The following NXN variants were observed in gnomAD, a reference collection of about 807,000 sequenced individuals.
The protein encoded by NXN is nucleoredoxin 1.
In NXN, 16 loss-of-function variants were observed where a neutral mutation model predicts 48.6. The observed-to-expected ratio is 0.33, with a 90% confidence interval of 0.22 to 0.50. The LOEUF (loss-of-function observed/expected upper bound fraction) is 0.50, where lower values mean the gene tolerates loss of function less well. Ranked by LOEUF, NXN falls within the 20% of genes least tolerant of loss-of-function variation. The probability of loss-of-function intolerance (pLI) is 0.98; values close to 1 mark genes in which losing one functional copy is unlikely to be tolerated. For synonymous variants in NXN, 281 were observed against 269.6 expected, an observed-to-expected ratio of 1.04 and a Z score of -0.41; for missense variants, 492 against 605.5, an observed-to-expected ratio of 0.81 and a Z score of 1.97.
chr17:841,608 A>ACGGCG lies in NXN; in HGVS notation c.361-15531_361-15530insCGCCG, dbSNP rs1567828072. ...CGCCGGCGAGCAGGTCCCCCCGACC[A>ACGGCG]CAGAGCATCTCACACGGGCAAGCAG... On this transcript the variant is annotated intron_variant, in intron 1 of 7. Coordinates refer to ENST00000336868, the MANE Select transcript of NXN (RefSeq NM_022463.5). Among the ~76,000 whole-genome samples the ACGGCG allele has an allele frequency of 8.3e-4, 98 of 117,828 alleles. 10 individuals are homozygous for ACGGCG. The highest frequency in any genetic ancestry group is 1.3e-3 in the Admixed American group (15 of 11,768). 77.3% of individuals were successfully genotyped at this position (117,828 alleles called of 152,430 possible). A position where few individuals can be genotyped will look rare whatever the true frequency, so the allele number is the denominator to read the frequency against.
intron 1 of NXN, among the ~76,000 whole-genome samples, chr17:854,118 C>T (rs1226616308): frequency 3.3e-5 from 5 of 152,132 alleles, no homozygotes; most frequent in African/African-American, 7.2e-5. Flanking sequence ...GCTCACTCTG[C>T]TTCTGGCATC....
chr17:885,878 C>T lies in NXN; in HGVS notation c.361-59800G>A, dbSNP rs553916500. On this transcript the variant is annotated intron_variant, in intron 1 of 7. Transcript: ENST00000336868. Reference sequence around the variant, plus strand: ...TTTTTTTGTATTTTTTTAGTAGAGACGGGGTTTCACCGTGTCAGCCAGGAT... The same window carrying T: ...TTTTTTTGTATTTTTTTAGTAGAGATGGGGTTTCACCGTGTCAGCCAGGAT... Among the ~76,000 whole-genome samples the T allele has an allele frequency of 6.6e-5, 10 of 151,218 alleles. No homozygotes were observed. In the South Asian group the frequency reaches 8.4e-4, roughly 13 times the overall value.
intron 1 of NXN, among the ~76,000 whole-genome samples, chr17:908,825 T>C (rs191386360): frequency 1.3e-5 from 2 of 151,930 alleles, no homozygotes; most frequent in African/African-American, 2.4e-5. Context: ...CACTCCCGGC[T>C]GGGTGCGGTG....
At chr17:936,423 C>A (rs2068908496) in intron 1 of NXN, among the ~76,000 whole-genome samples, 2 of 152,072 alleles carry the variant, frequency 1.3e-5, no homozygotes, top group South Asian at 4.2e-4. Flanking sequence ...CACAACCCGG[C>A]CAGCATCTGC....
chr17:852,147 C>T (rs1348099734), intron 1 of NXN, among the ~76,000 whole-genome samples: 3 of 152,230 alleles, frequency 2.0e-5, no homozygotes, highest in Admixed American at 6.5e-5. Flanking sequence ...GCCAAGGCCC[C>T]GCAGCCTCTA....
intron 5 of NXN, chr17:819,228 G>C: frequency 1.8e-6 from 1 of 570,642 alleles, no homozygotes; most frequent in Non-Finnish European, 3.2e-6. Flanking sequence ...GTTACAGTGT[G>C]AGCTGCCATG....
At chr17:838,574 A>C (rs959942679) in intron 1 of NXN, among the ~76,000 whole-genome samples, 1 of 152,202 alleles carries the variant, frequency 6.6e-6, no homozygotes, top group African/African-American at 2.4e-5. Flanking sequence ...GGCTTTCAAA[A>C]ACCTTACAGT....
chr17:823,516 A>G, intron 3 of NXN, 116 bp downstream of exon 3: 2 of 1,210,498 alleles, frequency 1.7e-6, no homozygotes, highest in Non-Finnish European at 2.3e-6. Context: ...GGAGAAGGCC[A>G]GAAGGCCGGG....
At chr17:883,917 A>G (rs1351515733) in intron 1 of NXN, among the ~76,000 whole-genome samples, 1 of 152,108 alleles carries the variant, frequency 6.6e-6, no homozygotes, top group Admixed American at 6.6e-5. Context: ...CTACTAAAAG[A>G]TAACAATAAA....
Position 894,562 on chromosome 17 carries a change from C to G in NXN, c.361-68484G>C, listed in dbSNP as rs1279178076. 1.9e-3 allele frequency among the ~76,000 whole-genome samples: 147 copies of G among 78,470 alleles called. 1 individual carries two copies. Among genetic ancestry groups the G allele is most frequent in the Non-Finnish European group, 2.5e-3 (98 of 38,878 alleles). 51.5% of individuals were successfully genotyped at this position (78,470 alleles called of 152,430 possible). A position where few individuals can be genotyped will look rare whatever the true frequency, so the allele number is the denominator to read the frequency against. On this transcript the variant is annotated intron_variant, in intron 1 of 7. Coordinates refer to ENST00000336868, the MANE Select transcript of NXN (RefSeq NM_022463.5). ...AAGCCAGAGGAAGCATCTCAAACGC[C>G]CTGGAAGCCAGAGGAAGCATCTCAA... is the stretch of plus-strand genomic sequence containing the variant.
intron 1 of NXN, among the ~76,000 whole-genome samples, chr17:965,840 G>T (rs545394427): frequency 1.3e-5 from 2 of 151,888 alleles, no homozygotes; most frequent in African/African-American, 4.8e-5. Flanking sequence ...CAACAGACAG[G>T]GCACAGTGAC....
intron 1 of NXN, among the ~76,000 whole-genome samples, chr17:904,483 C>T (rs2068565666): frequency 1.3e-5 from 2 of 152,204 alleles, no homozygotes; most frequent in Non-Finnish European, 2.9e-5. Context: ...TTTTCCCCTC[C>T]ACTTTGACCC....
intron 1 of NXN, among the ~76,000 whole-genome samples, chr17:886,184 G>T (rs1041502669): frequency 6.6e-6 from 1 of 152,042 alleles, no homozygotes; most frequent in Non-Finnish European, 1.5e-5. Context: ...GCAGCTCCCA[G>T]GTCCCCAGTG....
At chr17:977,459 GA>G (rs2150648299) in intron 1 of NXN, among the ~76,000 whole-genome samples, 1 of 152,336 alleles carries the variant, frequency 6.6e-6, no homozygotes, top group African/African-American at 2.4e-5. Context: ...AGGGTATAGA[GA>G]GCCAGCCATG....
chr17:930,507 T>C (rs1440482083), intron 1 of NXN: 6 of 151,912 alleles, frequency 3.9e-5, no homozygotes, highest in Non-Finnish European at 8.8e-5. Flanking sequence ...CCCTATTGAT[T>C]GACTGGCTGA....
chr17:954,268 C>A (rs1037036867), intron 1 of NXN, among the ~76,000 whole-genome samples: 1 of 152,146 alleles, frequency 6.6e-6, no homozygotes, highest in Non-Finnish European at 1.5e-5. Flanking sequence ...GTAGTCCCAG[C>A]TACTCAAGAG....
intron 3 of NXN, among the ~76,000 whole-genome samples, chr17:822,794 C>G (rs1271753393): frequency 6.6e-6 from 1 of 152,140 alleles, no homozygotes; most frequent in Non-Finnish European, 1.5e-5. Flanking sequence ...TGAACTCATC[C>G]ACATGGATTG....
At chr17:810,566 G>C (rs180998184) in intron 5 of NXN, among the ~76,000 whole-genome samples, 1 of 152,126 alleles carries the variant, frequency 6.6e-6, no homozygotes, top group East Asian at 1.9e-4. Context: ...CCTCCTCCCG[G>C]CTCCCCCAAA....
At position 964,999 on chromosome 17, in the gene NXN, C is replaced by CA. The variant is rs2069285337; in HGVS notation, c.360+14319dup. ...GAGGGGTGTTGGGTAGAGGGCAGGG[C>CA]AGTCAGGATTACCACATGGCCCTCA... On this transcript the variant is annotated intron_variant, in intron 1 of 7. Transcript: ENST00000336868. Among the ~76,000 whole-genome samples, 2 of 152,160 alleles carry CA rather than the reference C, an allele frequency of 1.3e-5. 1 individual carries two copies. The highest frequency in any genetic ancestry group is 4.1e-4 in the South Asian group (2 of 4,828).
Sources: allele counts gnomAD v4.1 joint callset (sites outside exome capture counted in the v4.1 genomes callset), GRCh38; gene constraint gnomAD v4.1.1; transcripts MANE v1.5; gene names NCBI Gene and HGNC (gene_info 2026-07-23, HGNC 2026-07-21).